Variants in KCNAB1 observed in about 807,000 individuals in gnomAD.
The protein encoded by KCNAB1 is voltage-gated potassium channel subunit beta-1.
KCNAB1 carries 35 observed loss-of-function variants against 64.6 expected under a neutral mutation model. That is an observed-to-expected ratio of 0.54 (90% CI 0.41 to 0.72). The LOEUF (loss-of-function observed/expected upper bound fraction) is 0.72. Ranked by LOEUF, KCNAB1 falls within the 30% of genes least tolerant of loss-of-function variation. The probability of loss-of-function intolerance (pLI) is 0.00; values close to 1 mark genes in which losing one functional copy is unlikely to be tolerated. For missense variants in KCNAB1, 401 were observed against 512.9 expected (o/e 0.78, Z 2.11); for synonymous variants, 177 against 183.8 (o/e 0.96, Z 0.30).
Position 156,523,916 on chromosome 3 carries a change from T to C in KCNAB1, c.1050T>C (p.Arg350=), listed in dbSNP as rs1207096527. ...KLKDLSPIAE[R]LGCTLPQLAV... ...AAGACCTTTCCCCAATTGCGGAGCGTCTGGGATGCACACTACCTCAGCTAG... is the reference window on the plus strand; with the variant it reads ...AAGACCTTTCCCCAATTGCGGAGCGCCTGGGATGCACACTACCTCAGCTAG... The change falls in exon 12 of 14, where the codon CGT becomes CGC. Residue 350 remains arginine (R), a synonymous_variant. Transcript: ENST00000490337. 6.2e-7 allele frequency: 1 copy of C among 1,613,908 alleles called. No homozygotes were observed. Among genetic ancestry groups the C allele is most frequent in the Non-Finnish European group, 8.5e-7 (1 of 1,179,960 alleles).
intron 1 of KCNAB1, among the ~76,000 whole-genome samples, chr3:156,290,397 G>A (rs1720334945): frequency 6.6e-6 from 1 of 152,196 alleles, no homozygotes; most frequent in African/African-American, 2.4e-5. Context: ...CATTTAGAAA[G>A]CTGATTTTGC....
chr3:156,229,228 G>C (rs1219720836), intron 1 of KCNAB1, among the ~76,000 whole-genome samples: 5 of 152,160 alleles, frequency 3.3e-5, no homozygotes. Flanking sequence ...TGGTTCTGCA[G>C]GCTGTACAGG....
intron 1 of KCNAB1, among the ~76,000 whole-genome samples, chr3:156,204,494 G>A (rs78159717): frequency 0.018 from 2,686 of 152,230 alleles, 45 homozygotes; most frequent in Non-Finnish European, 0.028. Flanking sequence ...CCTCTGTTTA[G>A]AACTGACATA....
intron 1 of KCNAB1, among the ~76,000 whole-genome samples, chr3:156,384,532 A>G (rs1171642271): frequency 6.6e-6 from 1 of 152,246 alleles, no homozygotes; most frequent in African/African-American, 2.4e-5. Context: ...AAAAGCAAAA[A>G]AAGTCTATTT....
chr3:156,476,133 A>C (rs1200513366), intron 8 of KCNAB1, among the ~76,000 whole-genome samples: 1 of 151,630 alleles, frequency 6.6e-6, no homozygotes, highest in Admixed American at 6.6e-5. Context: ...ACGTTATTCA[A>C]CTCTTTTTTT....
chr3:156,484,288 G>C (rs1292400673), intron 8 of KCNAB1, among the ~76,000 whole-genome samples: 2 of 152,112 alleles, frequency 1.3e-5, no homozygotes, highest in Admixed American at 1.3e-4. Flanking sequence ...CTCACAACAA[G>C]TCTGTGGACT....
In KCNAB1 at chr3:156,523,657, C is replaced by T; in HGVS notation, c.961-170C>T. On this transcript the variant is annotated intron_variant, in intron 11 of 13. Coordinates refer to ENST00000490337, the MANE Select transcript of KCNAB1 (RefSeq NM_172160.3). ...CTGTTTTGAACCAATAAACAAGGAG[C>T]AAGATCGTGAGGAACATTTCTTTGC... 6 of 653,838 alleles carry T rather than the reference C, an allele frequency of 9.2e-6. No individual in the cohort carries two copies. In the South Asian group the frequency reaches 1.1e-4, roughly 12 times the overall value. The allele number at this position is 653,838 out of a possible 1,614,324, so 40.5% of individuals were successfully genotyped here.
At chr3:156,174,666 A>G (rs553755232) in intron 1 of KCNAB1, among the ~76,000 whole-genome samples, 11 of 152,236 alleles carry the variant, frequency 7.2e-5, no homozygotes, top group African/African-American at 2.2e-4. Context: ...TATCCCATAC[A>G]TCAGTGTGCC....
intron 5 of KCNAB1, among the ~76,000 whole-genome samples, chr3:156,463,252 AAT>A (rs2108298267): frequency 6.6e-6 from 1 of 152,312 alleles, no homozygotes; most frequent in African/African-American, 2.4e-5. Flanking sequence ...GTTCATATGC[AAT>A]CAGCGTGAGG....
At chr3:156,154,246 A>G (rs1715584241) in intron 1 of KCNAB1, among the ~76,000 whole-genome samples, 1 of 151,448 alleles carries the variant, frequency 6.6e-6, no homozygotes, top group South Asian at 2.1e-4. Context: ...GCAGATGTCT[A>G]ACACACTCAT....
At chr3:156,358,723 G>C (rs991053165) in intron 1 of KCNAB1, among the ~76,000 whole-genome samples, 1 of 151,924 alleles carries the variant, frequency 6.6e-6, no homozygotes. Context: ...TGGAGTTCCA[G>C]CTCCCTTTCT....
chr3:156,252,303 T>C (rs1405835897), intron 1 of KCNAB1, among the ~76,000 whole-genome samples: 1 of 152,240 alleles, frequency 6.6e-6, no homozygotes, highest in African/African-American at 2.4e-5. Context: ...AAGTGGTGGC[T>C]TTTCTTTTAT....
chr3:156,151,523 A>G (rs935526731), intron 1 of KCNAB1, among the ~76,000 whole-genome samples: 1 of 152,252 alleles, frequency 6.6e-6, no homozygotes, highest in Non-Finnish European at 1.5e-5. Context: ...AGTTGCTAAA[A>G]TAATATAAAG....
intron 2 of KCNAB1, among the ~76,000 whole-genome samples, chr3:156,439,224 AT>A (rs56259743): frequency 0.016 from 1,888 of 114,972 alleles, 17 homozygotes; most frequent in African/African-American, 0.038. Flanking sequence ...CATCATTGTG[AT>A]TTTTTTTTTT....
At chr3:156,226,007 A>G (rs1023465005) in intron 1 of KCNAB1, among the ~76,000 whole-genome samples, 3 of 152,210 alleles carry the variant, frequency 2.0e-5, no homozygotes, top group African/African-American at 7.2e-5. Flanking sequence ...AGCAATCTAT[A>G]AATTCATTGC....
intron 1 of KCNAB1, among the ~76,000 whole-genome samples, chr3:156,134,280 A>G (rs1256388832): frequency 1.3e-5 from 2 of 152,096 alleles, no homozygotes; most frequent in East Asian, 1.9e-4. Context: ...GGCTTCTGAA[A>G]TTTTTCTTCC....
At chr3:156,164,771 C>A (rs1716271973) in intron 1 of KCNAB1, among the ~76,000 whole-genome samples, 1 of 152,162 alleles carries the variant, frequency 6.6e-6, no homozygotes, top group East Asian at 1.9e-4. Context: ...TTAAAACTTT[C>A]TCTTCTTTTT....
chr3:156,330,663 T>C (rs1393351133), intron 1 of KCNAB1, among the ~76,000 whole-genome samples: 1 of 152,152 alleles, frequency 6.6e-6, no homozygotes, highest in East Asian at 1.9e-4. Context: ...GCAGTGACCA[T>C]TCTTTCATCA....
At chr3:156,135,535 A>C (rs115438347) in intron 1 of KCNAB1, among the ~76,000 whole-genome samples, 2,125 of 152,310 alleles carry the variant, frequency 0.014, 26 homozygotes, top group South Asian at 0.04. Context: ...AAATCAGTTT[A>C]TTTTTAAGAG....
Sources: allele counts gnomAD v4.1 joint callset (sites outside exome capture counted in the v4.1 genomes callset), GRCh38; gene constraint gnomAD v4.1.1; transcripts MANE v1.5; gene names NCBI Gene and HGNC (gene_info 2026-07-23, HGNC 2026-07-21).